The following PDE4B variants were observed in gnomAD, a reference collection of about 807,000 sequenced individuals.
The protein encoded by PDE4B is phosphodiesterase 4B.
PDE4B carries 20 observed loss-of-function variants against 82.2 expected under a neutral mutation model. The observed-to-expected ratio is 0.24, with a 90% CI of 0.17 to 0.35. PDE4B has a LOEUF of 0.35. Among genes scored for constraint, PDE4B ranks in the 10% least tolerant of loss-of-function variants. The pLI is 1.00. For missense variants in PDE4B, 655 were observed against 907.2 expected, an observed-to-expected ratio of 0.72 and a Z score of 3.57; for synonymous variants, 320 against 318.9, an observed-to-expected ratio of 1.00 and a Z score of -0.04.
At chr1:66,235,591 T>C (rs2101643332) in intron 3 of PDE4B, among the ~76,000 whole-genome samples, 1 of 152,328 alleles carries the variant, frequency 6.6e-6, no homozygotes, top group East Asian at 1.9e-4. Flanking sequence ...TGTCTTTATA[T>C]TTAAAGTGAT....
chr1:66,251,605 A>G (rs1653781809), intron 4 of PDE4B, among the ~76,000 whole-genome samples: 1 of 152,180 alleles, frequency 6.6e-6, no homozygotes, highest in Non-Finnish European at 1.5e-5. Flanking sequence ...GCAGGCATAG[A>G]GAGCTATGCA....
chr1:66,043,952 AAAAC>A (rs1280761486), intron 3 of PDE4B, among the ~76,000 whole-genome samples: 1 of 151,838 alleles, frequency 6.6e-6, no homozygotes. Context: ...TTTTGAAACT[AAAAC>A]AAACAAAAAA....
intron 3 of PDE4B, among the ~76,000 whole-genome samples, chr1:66,111,436 A>G (rs1434499189): frequency 1.3e-5 from 2 of 152,056 alleles, no homozygotes; most frequent in Non-Finnish European, 2.9e-5. Context: ...AGCTGCCTTA[A>G]GTTCCTGGCA....
At chr1:65,902,476 A>T (rs1169633702) in intron 1 of PDE4B, among the ~76,000 whole-genome samples, 1 of 152,160 alleles carries the variant, frequency 6.6e-6, no homozygotes, top group East Asian at 1.9e-4. Context: ...ACAAAAGCAC[A>T]GTTCAGATTT....
intron 1 of PDE4B, among the ~76,000 whole-genome samples, chr1:65,873,681 A>T (rs1275103357): frequency 6.6e-6 from 1 of 152,214 alleles, no homozygotes; most frequent in Non-Finnish European, 1.5e-5. Context: ...TTAGTTGAGT[A>T]TATGGAATGA....
At chr1:66,027,990 T>C (rs1033314997) in intron 3 of PDE4B, among the ~76,000 whole-genome samples, 3 of 152,196 alleles carry the variant, frequency 2.0e-5, no homozygotes, top group Non-Finnish European at 4.4e-5. Flanking sequence ...TGGAGGATGG[T>C]GGCCCTCTTC....
chr1:66,308,038 C>T (rs976346569), intron 7 of PDE4B, among the ~76,000 whole-genome samples: 2 of 152,052 alleles, frequency 1.3e-5, no homozygotes, highest in African/African-American at 4.8e-5. Flanking sequence ...ATTACTACCC[C>T]AAATTTACAG....
chr1:65,970,264 G>A (rs1052414422), intron 3 of PDE4B, among the ~76,000 whole-genome samples: 4 of 149,854 alleles, frequency 2.7e-5, no homozygotes, highest in Admixed American at 6.7e-5. Context: ...AAGGTTGTAC[G>A]GTTCTATTCT....
chr1:66,051,731 A>G (rs1655039028), intron 3 of PDE4B, among the ~76,000 whole-genome samples: 1 of 152,202 alleles, frequency 6.6e-6, no homozygotes, highest in Non-Finnish European at 1.5e-5. Flanking sequence ...ATAAATTGCC[A>G]AGCAGAATTT....
chr1:66,315,931 G>T (rs191763901), intron 7 of PDE4B, among the ~76,000 whole-genome samples: 1 of 152,108 alleles, frequency 6.6e-6, no homozygotes, highest in African/African-American at 2.4e-5. Flanking sequence ...CCTTGGCCAC[G>T]TAAACCTCAC....
At chr1:66,013,689 T>A (rs1557497622) in intron 3 of PDE4B, among the ~76,000 whole-genome samples, 1 of 151,964 alleles carries the variant, frequency 6.6e-6, no homozygotes, top group Non-Finnish European at 1.5e-5. Context: ...AAAAAAAAAA[T>A]AACTCATCCA....
Position 66,361,571 on chromosome 1 carries a change from C to G in PDE4B, c.842-44C>G, listed in dbSNP as rs369779106. 5.3e-6 allele frequency: 8 copies of G among 1,518,508 alleles called. No individual in the cohort carries two copies. In the African/African-American group the frequency reaches 1.1e-4, roughly 21 times the overall value. 94.1% of individuals were successfully genotyped at this position (1,518,508 alleles called of 1,614,324 possible). A position where few individuals can be genotyped will look rare whatever the true frequency, so the allele number is the denominator to read the frequency against. On this transcript the variant is annotated intron_variant, in intron 9 of 16. Transcript: ENST00000341517. ...TGTTTTGAATATTGCAGTGGATTCT[C>G]ATAGACACATGTGCTGAAAAACATA...
At chr1:66,259,989 G>T (rs1654562155) in intron 6 of PDE4B, among the ~76,000 whole-genome samples, 1 of 152,146 alleles carries the variant, frequency 6.6e-6, no homozygotes, top group Non-Finnish European at 1.5e-5. Context: ...AGGATTAAAT[G>T]AATTGATATT....
chr1:65,806,131 A>G (rs926975552), intron 1 of PDE4B, among the ~76,000 whole-genome samples: 3 of 152,188 alleles, frequency 2.0e-5, no homozygotes, highest in African/African-American at 7.2e-5. Context: ...CCAGATGTCA[A>G]TCATGAGTTG....
chr1:66,224,916 G>T (rs752803897), intron 3 of PDE4B, among the ~76,000 whole-genome samples: 4 of 152,060 alleles, frequency 2.6e-5, no homozygotes, highest in Non-Finnish European at 5.9e-5. Flanking sequence ...CCCGTCTGTC[G>T]CATTCTTACT....
intron 3 of PDE4B, among the ~76,000 whole-genome samples, chr1:66,087,695 A>G (rs1159408582): frequency 6.6e-6 from 1 of 152,094 alleles, no homozygotes; most frequent in Non-Finnish European, 1.5e-5. Context: ...GCTATAAAAA[A>G]TGATGAGTTC....
In PDE4B at chr1:65,913,284, A is replaced by G. The variant is rs559070904; in HGVS notation, c.-31A>G. On this transcript the variant is annotated 5_prime_UTR_variant, in exon 2 of 17. Transcript: ENST00000341517. Reference sequence around the variant, plus strand: ...CAGCAAACTGCATTGAATAACAGACATCCTAAGAGGGGATATTTTCCACCT... The same window carrying G: ...CAGCAAACTGCATTGAATAACAGACGTCCTAAGAGGGGATATTTTCCACCT... 324 of 1,604,020 alleles carry G rather than the reference A, an allele frequency of 2.0e-4. 3 individuals carry two copies. The South Asian group carries it at 3.4e-3, about 17-fold the overall frequency.
At chr1:66,003,737 C>A (rs1651996582) in intron 3 of PDE4B, among the ~76,000 whole-genome samples, 2 of 152,086 alleles carry the variant, frequency 1.3e-5, no homozygotes, top group Non-Finnish European at 2.9e-5. Context: ...ATTCTTTAGG[C>A]CAGAAGAGAG....
chr1:65,802,202 G>A (rs556291378), intron 1 of PDE4B, among the ~76,000 whole-genome samples: 1 of 152,316 alleles, frequency 6.6e-6, no homozygotes, highest in South Asian at 2.1e-4. Context: ...AGTGTCAGCA[G>A]GAAGATAGTT....
Sources: gnomAD v4.1 joint callset for allele counts (sites outside exome capture counted in the v4.1 genomes callset) on GRCh38, gnomAD v4.1.1 for gene constraint, MANE v1.5 for transcripts, NCBI Gene and HGNC (gene_info 2026-07-23, HGNC 2026-07-21) for gene names.